RBM20: variants seen among roughly 807,000 people sequenced by gnomAD.
RBM20 encodes the protein RNA binding motif protein 20.
Under a neutral mutation model 110.1 loss-of-function variants are expected in RBM20, and 51 were observed. The observed-to-expected ratio is 0.46, with a 90% CI of 0.37 to 0.59. The LOEUF (loss-of-function observed/expected upper bound fraction) is 0.59, where lower values mean the gene tolerates loss of function less well. Among genes scored for constraint, RBM20 ranks in the 20% least tolerant of loss-of-function variants. The probability of loss-of-function intolerance (pLI) is 0.00; values close to 1 mark genes in which losing one functional copy is unlikely to be tolerated. For missense variants in RBM20, 1,512 were observed against 1,574.9 expected (o/e 0.96, Z 0.68); for synonymous variants, 589 against 618.2 (o/e 0.95, Z 0.70).
At chr10:110,808,813 A>T (rs532690349) in intron 7 of RBM20, among the ~76,000 whole-genome samples, 1 of 152,166 alleles carries the variant, frequency 6.6e-6, no homozygotes, top group South Asian at 2.1e-4. Flanking sequence ...CAGCCACGCC[A>T]CTCAGAGCAC....
chr10:110,727,518 A>G (rs1843576794), intron 1 of RBM20, among the ~76,000 whole-genome samples: 1 of 151,646 alleles, frequency 6.6e-6, no homozygotes, highest in African/African-American at 2.4e-5. Flanking sequence ...TAAACTTTCT[A>G]TTCTGTTTTA....
intron 1 of RBM20, among the ~76,000 whole-genome samples, chr10:110,717,681 A>G (rs944908099): frequency 1.3e-5 from 2 of 152,180 alleles, no homozygotes; most frequent in Non-Finnish European, 2.9e-5. Flanking sequence ...GGATCCTGGC[A>G]TCTGTTGCTC....
chr10:110,781,240 G>A lies in RBM20; in HGVS notation c.631G>A (p.Ala211Thr), dbSNP rs532463534. 1 of 1,551,684 alleles carries A rather than the reference G, an allele frequency of 6.4e-7. No homozygotes were observed. Among genetic ancestry groups the A allele is most frequent in the African/African-American group, 1.4e-5 (1 of 73,178 alleles). Residue 211 changes from alanine to threonine, a missense_variant, in exon 2 of 14, where the codon GCA becomes ACA. Ala to Thr is a moderately conservative substitution (Grantham distance 58, BLOSUM62 0). Transcript: ENST00000369519. Reference sequence around the variant, plus strand: ...AATGCCTCAGACCCCTGGCCAGCCAGCAGTCATCTTGGGCATTGGCAAGAC... The same window carrying A: ...AATGCCTCAGACCCCTGGCCAGCCAACAGTCATCTTGGGCATTGGCAAGAC... The part of the protein sequence containing the change: ...GVMPQTPGQP[A>T]VILGIGKTGP...
At chr10:110,827,256 C>T (rs972981337) in intron 12 of RBM20, among the ~76,000 whole-genome samples, 5 of 152,082 alleles carry the variant, frequency 3.3e-5, no homozygotes, top group Non-Finnish European at 5.9e-5. Flanking sequence ...TGGTGTAAAT[C>T]TGCAGTCCCA....
chr10:110,673,121 A>G (rs1248047783), intron 1 of RBM20, among the ~76,000 whole-genome samples: 1 of 152,198 alleles, frequency 6.6e-6, no homozygotes, highest in Non-Finnish European at 1.5e-5. Context: ...GTATTAGGTT[A>G]TAGTCTCATT....
chr10:110,703,860 C>G (rs1191390915), intron 1 of RBM20, among the ~76,000 whole-genome samples: 1 of 152,088 alleles, frequency 6.6e-6, no homozygotes, highest in Admixed American at 6.6e-5. Flanking sequence ...GCCTATAATC[C>G]CAGCATTTTG....
At chr10:110,762,580 A>G (rs1008790810) in intron 1 of RBM20, among the ~76,000 whole-genome samples, 1 of 152,222 alleles carries the variant, frequency 6.6e-6, no homozygotes, top group Non-Finnish European at 1.5e-5. Flanking sequence ...CATTCAGTGT[A>G]TCATGTTACG....
intron 9 of RBM20, among the ~76,000 whole-genome samples, chr10:110,817,675 G>T (rs1382204609): frequency 6.6e-6 from 1 of 152,322 alleles, no homozygotes; most frequent in East Asian, 1.9e-4. Context: ...ATGAAGGTAC[G>T]CAATGCTGTG....
chr10:110,833,294 T>A (rs567397307), intron 13 of RBM20, among the ~76,000 whole-genome samples: 2 of 148,344 alleles, frequency 1.3e-5, no homozygotes, highest in Non-Finnish European at 3.0e-5. Flanking sequence ...GAGGCTGAGG[T>A]AGGAGAATCG....
At chr10:110,776,123 A>G (rs1652006680) in intron 1 of RBM20, among the ~76,000 whole-genome samples, 1 of 152,172 alleles carries the variant, frequency 6.6e-6, no homozygotes, top group Admixed American at 6.5e-5. Flanking sequence ...GGTCTGAGAC[A>G]CGTTGCTTGG....
intron 1 of RBM20, among the ~76,000 whole-genome samples, chr10:110,762,895 T>C (rs1275226311): frequency 2.0e-5 from 3 of 152,132 alleles, no homozygotes; most frequent in African/African-American, 4.8e-5. Context: ...AACCTGCTGA[T>C]TGGAGTAGAG....
At chr10:110,827,305 T>C (rs554458444) in intron 12 of RBM20, among the ~76,000 whole-genome samples, 23 of 152,022 alleles carry the variant, frequency 1.5e-4, no homozygotes, top group African/African-American at 5.3e-4. Context: ...TGCTTGAACC[T>C]GGGAGGAGAT....
At chr10:110,733,767 G>T (rs914729814) in intron 1 of RBM20, among the ~76,000 whole-genome samples, 1 of 152,166 alleles carries the variant, frequency 6.6e-6, no homozygotes, top group East Asian at 1.9e-4. Flanking sequence ...GGAACTGCTC[G>T]CTCAGCTACT....
chr10:110,679,454 C>T (rs77342231), intron 1 of RBM20, among the ~76,000 whole-genome samples: 5,115 of 152,222 alleles, frequency 0.034, 297 homozygotes, highest in African/African-American at 0.12. Context: ...CTAGTGGCCT[C>T]AAGCAATCCT....
Position 110,828,443 on chromosome 10 carries a change from TGCCTGAACTTGCAGAGCAGGG to T in RBM20, c.3452-2614_3452-2594del, listed in dbSNP as rs529036444. The stretch of plus-strand genomic sequence containing the variant: ...GTGCTGCCTGGTAGCTGCCTGGTAC[TGCCTGAACTTGCAGAGCAGGG>T]GCCAGGGAAGAAAGTTGCCACCAAA... On this transcript the variant is annotated intron_variant, in intron 12 of 13. Coordinates refer to ENST00000369519, the MANE Select transcript of RBM20 (RefSeq NM_001134363.3). 2.7e-3 allele frequency among the ~76,000 whole-genome samples: 414 copies of T among 152,348 alleles called. 4 individuals carry two copies. Among genetic ancestry groups the T allele is most frequent in the African/African-American group, 9.3e-3 (387 of 41,582 alleles).
intron 5 of RBM20, among the ~76,000 whole-genome samples, chr10:110,793,068 T>A (rs1315872071): frequency 3.3e-5 from 5 of 152,114 alleles, no homozygotes; most frequent in Non-Finnish European, 7.4e-5. Flanking sequence ...CACATAAGCA[T>A]ATATATTTTT....
At chr10:110,784,677 C>T (rs1844398522) in intron 4 of RBM20, 115 bp from the exon 5 acceptor site, 1 of 754,184 alleles carries the variant, frequency 1.3e-6, no homozygotes, top group Non-Finnish European at 2.3e-6. Flanking sequence ...TCATGCCAAT[C>T]ACTAATAATA....
chr10:110,660,171 G>A (rs1030015815), intron 1 of RBM20, among the ~76,000 whole-genome samples: 1 of 151,944 alleles, frequency 6.6e-6, no homozygotes, highest in African/African-American at 2.4e-5. Context: ...CCAAGATACT[G>A]CTTTATTATT....
chr10:110,670,199 G>T (rs1400863753), intron 1 of RBM20, among the ~76,000 whole-genome samples: 1 of 152,086 alleles, frequency 6.6e-6, no homozygotes, highest in Non-Finnish European at 1.5e-5. Context: ...AATGCATGTT[G>T]TCTTGAGTTG....
Sources: allele counts gnomAD v4.1 joint callset (sites outside exome capture counted in the v4.1 genomes callset), GRCh38; gene constraint gnomAD v4.1.1; transcripts MANE v1.5; gene names NCBI Gene and HGNC (gene_info 2026-07-23, HGNC 2026-07-21).